The following PRDM5 variants were observed in gnomAD, a reference collection of about 807,000 sequenced individuals.
The protein encoded by PRDM5 is PR/SET domain 5.
Under a neutral mutation model 81.2 loss-of-function variants are expected in PRDM5, and 56 were observed. The observed-to-expected ratio is 0.69, with a 90% CI of 0.56 to 0.86. The LOEUF (loss-of-function observed/expected upper bound fraction) is 0.86. Ranked by LOEUF, PRDM5 falls within the 40% of genes least tolerant of loss-of-function variation. The pLI is 0.00. For synonymous variants in PRDM5, 267 were observed against 256.4 expected (o/e 1.04, Z -0.39); for missense variants, 697 against 770.1 (o/e 0.91, Z 1.12).
At chr4:120,804,480 C>G (rs995411271) in intron 8 of PRDM5, among the ~76,000 whole-genome samples, 4 of 152,294 alleles carry the variant, frequency 2.6e-5, no homozygotes, top group Admixed American at 6.5e-5. Flanking sequence ...TGTAAAAGAA[C>G]AGAAATTATA....
intron 2 of PRDM5, among the ~76,000 whole-genome samples, chr4:120,859,885 T>C (rs865793725): frequency 6.6e-6 from 1 of 152,166 alleles, no homozygotes; most frequent in East Asian, 1.9e-4. Flanking sequence ...TTCAGTTCCA[T>C]TACTGTCCGG....
intron 3 of PRDM5, among the ~76,000 whole-genome samples, chr4:120,847,407 C>A (rs1758782378): frequency 6.6e-6 from 1 of 152,112 alleles, no homozygotes; most frequent in Non-Finnish European, 1.5e-5. Context: ...TGAGCAACCC[C>A]AGAGAGAGCC....
At chr4:120,687,236 C>T (rs554178015), downstream of PRDM5, among the ~76,000 whole-genome samples, 4 of 151,948 alleles carry the variant, frequency 2.6e-5, no homozygotes, top group Admixed American at 2.6e-4. Flanking sequence ...TGTAACAGAC[C>T]TCTAGAACTT....
intron 15 of PRDM5, among the ~76,000 whole-genome samples, chr4:120,701,087 T>C (rs1336760864): frequency 6.6e-6 from 1 of 151,266 alleles, no homozygotes; most frequent in Admixed American, 6.6e-5. Context: ...ATTGTGCCAC[T>C]GAACTCCAGC....
chr4:120,697,133 A>T (rs1338650510), intron 15 of PRDM5, among the ~76,000 whole-genome samples: 1 of 152,222 alleles, frequency 6.6e-6, no homozygotes, highest in Non-Finnish European at 1.5e-5. Context: ...CAATTAGGGT[A>T]AAAAGCAAAA....
At chr4:120,756,611 G>A (rs576447822) in intron 13 of PRDM5, among the ~76,000 whole-genome samples, 10 of 152,284 alleles carry the variant, frequency 6.6e-5, no homozygotes, top group African/African-American at 2.4e-4. Flanking sequence ...ATTTAACCTT[G>A]AACCACAAAG....
At chr4:120,688,522 T>C (rs1474272679), downstream of PRDM5, among the ~76,000 whole-genome samples, 4 of 152,160 alleles carry the variant, frequency 2.6e-5, no homozygotes, top group African/African-American at 9.6e-5. Flanking sequence ...TGTCTTTGCT[T>C]TTGGTGTCCT....
chr4:120,891,366 G>A (rs918302255), intron 2 of PRDM5, among the ~76,000 whole-genome samples: 4 of 152,078 alleles, frequency 2.6e-5, no homozygotes, highest in African/African-American at 7.2e-5. Context: ...TTTCTGTGGG[G>A]TTGGTGGTAA....
At chr4:120,808,321 T>A (rs568754755) in intron 8 of PRDM5, among the ~76,000 whole-genome samples, 1 of 152,158 alleles carries the variant, frequency 6.6e-6, no homozygotes, top group South Asian at 2.1e-4. Flanking sequence ...CCCCACTAGA[T>A]TAGCTAGATA....
At chr4:120,801,306 G>A (rs1752086643) in intron 8 of PRDM5, among the ~76,000 whole-genome samples, 1 of 152,200 alleles carries the variant, frequency 6.6e-6, no homozygotes, top group South Asian at 2.1e-4. Context: ...TGGAGGACTC[G>A]GCTGGCCCCT....
rs536067786 is a variant in PRDM5 at position 120,806,221 on chromosome 4, G to A, written c.945+5149C>T. On this transcript the variant is annotated intron_variant, in intron 8 of 15. Transcript: ENST00000264808. ...AGAGGACACAAACAAATGGAAGAAC[G>A]TTCCATGCTCACGGATAGGAAGAAT... 4.1e-4 allele frequency among the ~76,000 whole-genome samples: 62 copies of A among 152,224 alleles called. No homozygotes were observed. In the East Asian group the frequency reaches 7.5e-3, roughly 18 times the overall value.
At chr4:120,868,280 T>C (rs920082123) in intron 2 of PRDM5, among the ~76,000 whole-genome samples, 2 of 152,168 alleles carry the variant, frequency 1.3e-5, no homozygotes, top group African/African-American at 2.4e-5. Context: ...ATATACTGTG[T>C]TTATATAACA....
chr4:120,903,219 C>T (rs1028069059), intron 2 of PRDM5, among the ~76,000 whole-genome samples: 1 of 152,124 alleles, frequency 6.6e-6, no homozygotes, highest in Non-Finnish European at 1.5e-5. Flanking sequence ...AGATATGGGG[C>T]ATAGCAGAAA....
At chr4:120,704,756 A>G (rs1053616665) in intron 15 of PRDM5, among the ~76,000 whole-genome samples, 1 of 152,152 alleles carries the variant, frequency 6.6e-6, no homozygotes, top group Admixed American at 6.5e-5. Flanking sequence ...GGCAGGCTTT[A>G]AGGGAAAATT....
chr4:120,913,090 T>C (rs1766704436), intron 1 of PRDM5, among the ~76,000 whole-genome samples: 1 of 152,218 alleles, frequency 6.6e-6, no homozygotes, highest in African/African-American at 2.4e-5. Context: ...ACTAGAACAC[T>C]GATCGTGTTA....
chr4:120,876,095 G>A (rs948331613), intron 2 of PRDM5, among the ~76,000 whole-genome samples: 21 of 152,072 alleles, frequency 1.4e-4, no homozygotes, highest in Admixed American at 3.3e-4. Context: ...GCATCTAGCT[G>A]AGCTACAGAG....
chr4:120,884,970 G>A (rs1384850099), intron 2 of PRDM5, among the ~76,000 whole-genome samples: 2 of 149,944 alleles, frequency 1.3e-5, no homozygotes, highest in African/African-American at 5.0e-5. Flanking sequence ...CTAACATGGT[G>A]AAACCCCCTC....
chr4:120,873,929 A>G (rs1216330517), intron 2 of PRDM5, among the ~76,000 whole-genome samples: 2 of 152,158 alleles, frequency 1.3e-5, no homozygotes, highest in African/African-American at 4.8e-5. Context: ...ATTTTGGGCT[A>G]TTATGTACAC....
chr4:120,845,167 A>T (rs1343773299), intron 3 of PRDM5, among the ~76,000 whole-genome samples: 1 of 152,236 alleles, frequency 6.6e-6, no homozygotes, highest in Non-Finnish European at 1.5e-5. Flanking sequence ...GCTGATGGAG[A>T]AGCTGCAGCA....
Sources: allele counts gnomAD v4.1 joint callset (sites outside exome capture counted in the v4.1 genomes callset), GRCh38; gene constraint gnomAD v4.1.1; transcripts MANE v1.5; gene names NCBI Gene and HGNC (gene_info 2026-07-23, HGNC 2026-07-21).